NLRP7: variants seen among roughly 807,000 people sequenced by gnomAD.
The protein encoded by NLRP7 is NLR family pyrin domain containing 7.
NLRP7 carries 72 observed loss-of-function variants against 85.5 expected under a neutral mutation model. That is an observed-to-expected ratio of 0.84 (90% confidence interval 0.70 to 1.02). The LOEUF is 1.02. Ranked by LOEUF, NLRP7 falls within the 50% of genes least tolerant of loss-of-function variation. NLRP7 has a pLI of 0.00. For synonymous variants in NLRP7, 550 were observed against 505.2 expected, an observed-to-expected ratio of 1.09 and a Z score of -1.19; for missense variants, 1,243 against 1,219.5, an observed-to-expected ratio of 1.02 and a Z score of -0.29.
chr19:54,941,873 G>A, intron 1 of NLRP7, 123 bp from the exon 2 acceptor site: 2 of 772,688 alleles, frequency 2.6e-6, no homozygotes, highest in Admixed American at 3.1e-5. Flanking sequence ...TCCAAAGACT[G>A]AATTAAGAGA....
intron 1 of NLRP7, among the ~76,000 whole-genome samples, chr19:54,960,037 T>G (rs1017745207): frequency 6.6e-6 from 1 of 152,020 alleles, no homozygotes; most frequent in African/African-American, 2.4e-5. Context: ...GATACTCTGT[T>G]CTAACCACGT....
chr19:54,926,237 C>T (rs78537646), intron 9 of NLRP7, among the ~76,000 whole-genome samples: 3,216 of 125,566 alleles, frequency 0.026, 97 homozygotes, highest in African/African-American at 0.083. Context: ...TGCTCATGCA[C>T]ACACATACAC....
chr19:54,930,096 C>A (rs12982105), intron 9 of NLRP7, among the ~76,000 whole-genome samples: 76,994 of 138,054 alleles, frequency 0.56, 21,609 homozygotes, highest in East Asian at 0.72. Flanking sequence ...GCCTGGGCAA[C>A]TAGAACGAGG....
At position 54,934,612 on chromosome 19, in the gene NLRP7, T is replaced by G; in HGVS notation, c.2348A>C (p.Tyr783Ser). The G allele has an allele frequency of 6.2e-7, 1 of 1,614,006 alleles. No individual in the cohort carries two copies. Among genetic ancestry groups the G allele is most frequent in the Non-Finnish European group, 8.5e-7 (1 of 1,179,972 alleles). ...CAGGGACTGGTTGGCTTTGAGGACA[T>G]AGAAGAATTCAGCCCACTGCTCCGG... Residue 783 changes from tyrosine to serine, a missense_variant, in exon 7 of 10, where the codon TAT (tyrosine) becomes TCT (serine). Tyr to Ser is a moderately radical substitution (Grantham distance 144). Coordinates refer to ENST00000340844, the Ensembl canonical transcript of NLRP7. This position sits in a 1 kb window ranked among gnomAD's most constrained non-coding sequence, Gnocchi z 6.7.
At chr19:54,945,022 A>T (rs1375031317) in intron 1 of NLRP7, among the ~76,000 whole-genome samples, 1 of 151,680 alleles carries the variant, frequency 6.6e-6, no homozygotes, top group Non-Finnish European at 1.5e-5. Context: ...GGCAGATCAC[A>T]AGGTGAGGAG....
At chr19:54,963,409 G>C (rs1470064696) in intron 1 of NLRP7, among the ~76,000 whole-genome samples, 1 of 151,984 alleles carries the variant, frequency 6.6e-6, no homozygotes, top group African/African-American at 2.4e-5. Context: ...CATGAAAAAG[G>C]CTGGGCGCGG....
exon 4 of NLRP7, chr19:54,939,162 A>G: frequency 6.2e-7 from 1 of 1,614,232 alleles, no homozygotes; most frequent in Non-Finnish European, 8.5e-7. Context: ...TGTGCTTTGC[A>G]TTGCAGCAAT....
chr19:54,959,442 GT>G (rs201916172), intron 1 of NLRP7, among the ~76,000 whole-genome samples: 1 of 150,570 alleles, frequency 6.6e-6, no homozygotes, highest in African/African-American at 2.4e-5. Flanking sequence ...CGGCCTCCTT[GT>G]TTTTTTTCTA....
chr19:54,935,698 A>C (rs1025299127), intron 6 of NLRP7, among the ~76,000 whole-genome samples: 1 of 147,084 alleles, frequency 6.8e-6, no homozygotes, highest in African/African-American at 2.6e-5. Context: ...CTCAAAGAAA[A>C]AAAAAAAAAA....
intron 1 of NLRP7, among the ~76,000 whole-genome samples, chr19:54,945,971 T>G (rs2069452717): frequency 6.6e-6 from 1 of 151,800 alleles, no homozygotes. Flanking sequence ...TTTTGTATTT[T>G]TAGTAGAGAT....
intron 6 of NLRP7, 135 bp downstream of exon 6, chr19:54,936,126 C>T: frequency 2.6e-6 from 2 of 775,318 alleles, no homozygotes; most frequent in South Asian, 2.9e-5. Flanking sequence ...GCCGACTCCC[C>T]CACACAGGCC....
rs1449082628 is a variant in NLRP7, at chr19:54,934,759, G to A, written c.2301-100C>T. ...GAGTTTCACTCTGTTGCCCAGTCTG[G>A]AATGCAAAGGCGTGATCTCACCTCA... is the stretch of plus-strand genomic sequence containing the variant. On this transcript the variant is annotated intron_variant, in intron 6 of 9. Coordinates refer to ENST00000340844, the Ensembl canonical transcript of NLRP7. The surrounding 1 kb of genome is among the most constrained non-coding windows in gnomAD (Gnocchi z 6.7). 1.0e-6 allele frequency: 1 copy of A among 974,740 alleles called. No individual in the cohort carries two copies. Among genetic ancestry groups the A allele is most frequent in the Non-Finnish European group, 1.5e-6 (1 of 663,360 alleles). The allele number at this position is 974,740 out of a possible 1,614,324, so 60.4% of individuals were successfully genotyped here.
At chr19:54,946,734 G>A (rs558228703) in intron 1 of NLRP7, among the ~76,000 whole-genome samples, 2 of 152,086 alleles carry the variant, frequency 1.3e-5, no homozygotes, top group South Asian at 4.1e-4. Context: ...CCCCCTCCTA[G>A]GTTTAAGCTA....
intron 1 of NLRP7, among the ~76,000 whole-genome samples, chr19:54,964,675 A>T (rs1403012595): frequency 2.0e-5 from 3 of 148,488 alleles, no homozygotes; most frequent in Non-Finnish European, 4.5e-5. Context: ...AAAATACAAA[A>T]ATTAACCAGG....
chr19:54,962,923 G>T (rs1189090866), intron 1 of NLRP7, among the ~76,000 whole-genome samples: 4 of 152,094 alleles, frequency 2.6e-5, no homozygotes, highest in African/African-American at 9.7e-5. Flanking sequence ...TTCTTTCTAG[G>T]ATAGGCAACT....
Position 54,937,955 on chromosome 19 carries a change from A to T in NLRP7, c.2129+89T>A, listed in dbSNP as rs1488355960. 1.5e-5 allele frequency: 15 copies of T among 983,626 alleles called. No homozygotes were observed. In the Admixed American group the frequency reaches 2.4e-4, roughly 16 times the overall value. The allele number at this position is 983,626 out of a possible 1,614,324, so 60.9% of individuals were successfully genotyped here. Reference sequence around the variant, plus strand: ...GAAAATCCCCAAATACATGGAGATGAAACAGCACATTTCCAAATTTAAAAA... The same window carrying T: ...GAAAATCCCCAAATACATGGAGATGTAACAGCACATTTCCAAATTTAAAAA... On this transcript the variant is annotated intron_variant, in intron 5 of 9. Coordinates refer to ENST00000340844, the Ensembl canonical transcript of NLRP7.
exon 4 of NLRP7, chr19:54,939,532 C>T: frequency 6.2e-7 from 1 of 1,613,326 alleles, no homozygotes; most frequent in East Asian, 2.2e-5. Flanking sequence ...CTCGGTGGAA[C>T]ACGGACATCT....
intron 6 of NLRP7, 40 bp downstream of exon 6, chr19:54,936,221 G>T: frequency 6.3e-7 from 1 of 1,578,130 alleles, no homozygotes; most frequent in Non-Finnish European, 8.7e-7. Context: ...CGGTGCAGTG[G>T]ACTCCAGGTG....
At chr19:54,956,507 T>C (rs1004747523) in intron 1 of NLRP7, among the ~76,000 whole-genome samples, 6 of 149,198 alleles carry the variant, frequency 4.0e-5, no homozygotes, top group Non-Finnish European at 5.9e-5. Context: ...CTGGTGAACA[T>C]GGCAAAACCC....
Sources: allele counts gnomAD v4.1 joint callset (sites outside exome capture counted in the v4.1 genomes callset), GRCh38; gene constraint gnomAD v4.1.1; non-coding constraint Gnocchi (gnomAD v3.1); transcripts MANE v1.5; gene names NCBI Gene and HGNC (gene_info 2026-07-23, HGNC 2026-07-21).